The following BCAP29 variants were observed in gnomAD, a reference collection of about 807,000 sequenced individuals.
The protein encoded by BCAP29 is B-cell receptor-associated protein 29.
In BCAP29, 34 loss-of-function variants were observed where a neutral mutation model predicts 31.8. The observed-to-expected ratio is 1.07, with a 90% CI of 0.81 to 1.42. The LOEUF is 1.42. Ranked by LOEUF, BCAP29 falls within the 40% of genes most tolerant of loss-of-function variation. BCAP29 has a pLI of 0.00. For missense variants in BCAP29, 314 were observed against 269.2 expected, an observed-to-expected ratio of 1.17 and a Z score of -1.16; for synonymous variants, 104 against 91.3, an observed-to-expected ratio of 1.14 and a Z score of -0.79.
intron 5 of BCAP29, among the ~76,000 whole-genome samples, chr7:107,599,216 T>TTTATATATAA (rs1810521876): frequency 1.8e-4 from 3 of 16,322 alleles, no homozygotes; most frequent in African/African-American, 3.3e-4. Flanking sequence ...TATAAATATA[T>TTTATATATAA]ATATACATAA....
At chr7:107,581,870 G>A (rs1224634519) in intron 2 of BCAP29, among the ~76,000 whole-genome samples, 2 of 152,084 alleles carry the variant, frequency 1.3e-5, no homozygotes, top group African/African-American at 4.8e-5. Context: ...GAATCATACT[G>A]TAGGGTCTTT....
chr7:107,601,451 G>A (rs796113636), intron 6 of BCAP29, among the ~76,000 whole-genome samples: 1 of 152,038 alleles, frequency 6.6e-6, no homozygotes, highest in Non-Finnish European at 1.5e-5. Context: ...CTTTAGTCAC[G>A]TTCCTCCTTA....
At chr7:107,599,305 AAT>A (rs1810663351) in intron 5 of BCAP29, among the ~76,000 whole-genome samples, 1 of 42,904 alleles carries the variant, frequency 2.3e-5, no homozygotes, top group African/African-American at 1.3e-4. Flanking sequence ...ATTATATATA[AAT>A]TTTATATATA....
downstream of BCAP29, chr7:107,622,817 A>T (rs1056641622): frequency 1.3e-5 from 2 of 152,166 alleles, no homozygotes; most frequent in East Asian, 3.9e-4. Flanking sequence ...ATGATCTCTC[A>T]CTCAGAATGT....
chr7:107,586,882 C>T (rs1342260053), intron 3 of BCAP29, among the ~76,000 whole-genome samples: 1 of 151,850 alleles, frequency 6.6e-6, no homozygotes, highest in Non-Finnish European at 1.5e-5. Flanking sequence ...CGAGAGCCAC[C>T]AACCCCTGGC....
At chr7:107,580,711 G>C (rs1318547098) in intron 1 of BCAP29, 48 bp from the exon 2 acceptor site, 1 of 1,388,924 alleles carries the variant, frequency 7.2e-7, no homozygotes, top group Admixed American at 2.0e-5. Flanking sequence ...CCTTGAACCC[G>C]GTTTTGTTTG....
chr7:107,600,857 T>G (rs1459377260), intron 6 of BCAP29, among the ~76,000 whole-genome samples: 2 of 152,240 alleles, frequency 1.3e-5, no homozygotes, highest in Non-Finnish European at 2.9e-5. Flanking sequence ...GAAGCAATTG[T>G]AGGGGAACAG....
At chr7:107,601,751 T>G (rs567315188) in intron 6 of BCAP29, among the ~76,000 whole-genome samples, 5 of 152,358 alleles carry the variant, frequency 3.3e-5, no homozygotes, top group Non-Finnish European at 5.9e-5. Flanking sequence ...TGCTACCAAT[T>G]CTTTTGAAGA....
chr7:107,600,120 C>A, intron 5 of BCAP29: 1 of 391,924 alleles, frequency 2.6e-6, no homozygotes, highest in Non-Finnish European at 4.8e-6. Context: ...CGTTATTTAC[C>A]TAAATACTTT....
chr7:107,622,927 T>C (rs1815094478), downstream of BCAP29: 1 of 152,166 alleles, frequency 6.6e-6, no homozygotes, highest in Non-Finnish European at 1.5e-5. Context: ...TGTTAATACA[T>C]GCTCCAGTTT....
chr7:107,622,157 A>C, downstream of BCAP29: 1 of 317,586 alleles, frequency 3.1e-6, no homozygotes. Context: ...CGACCTCCTC[A>C]TCTCCCTGTA....
chr7:107,597,979 G>A (rs1001861338), intron 5 of BCAP29, among the ~76,000 whole-genome samples: 16 of 152,230 alleles, frequency 1.1e-4, no homozygotes, highest in East Asian at 5.8e-4. Context: ...GACAGTGAAC[G>A]CTTGCATTGT....
chr7:107,611,502 T>G (rs1433572812), intron 6 of BCAP29, among the ~76,000 whole-genome samples: 1 of 152,210 alleles, frequency 6.6e-6, no homozygotes, highest in Non-Finnish European at 1.5e-5. Context: ...GATTGTGGAA[T>G]CTACTGTGTA....
intron 6 of BCAP29, among the ~76,000 whole-genome samples, chr7:107,600,834 TC>T (rs1811045035): frequency 6.6e-6 from 1 of 152,254 alleles, no homozygotes; most frequent in Non-Finnish European, 1.5e-5. Flanking sequence ...CATCGTATAT[TC>T]CTCCTCTCAG....
chr7:107,608,524 C>G (rs1250290998), intron 6 of BCAP29, among the ~76,000 whole-genome samples: 1 of 152,018 alleles, frequency 6.6e-6, no homozygotes, highest in African/African-American at 2.4e-5. Flanking sequence ...TCTGGCATTA[C>G]AAGATACTCC....
chr7:107,600,411 T>C lies in BCAP29; in HGVS notation c.495T>C (p.His165=), dbSNP rs377378599. The change falls in exon 6 of 8, where the codon CAT becomes CAC. Residue 165 remains histidine, a synonymous_variant. Coordinates refer to ENST00000005259, the MANE Select transcript of BCAP29 (RefSeq NM_018844.4). ...TTTTGCAATAGATTTTGAAAAGCCATGGTAAAGATGAAGAATGTGTTTTGG... is the reference window on the plus strand; with the variant it reads ...TTTTGCAATAGATTTTGAAAAGCCACGGTAAAGATGAAGAATGTGTTTTGG... ...NEKLKRILKS[H]GKDEECVLEA... The C allele has an allele frequency of 6.2e-6, 10 of 1,602,534 alleles. No individual in the cohort carries two copies. Among genetic ancestry groups the C allele is most frequent in the Non-Finnish European group, 8.5e-6 (10 of 1,171,266 alleles).
rs984433390 is a variant in BCAP29, at chr7:107,613,348, A to G, written c.606A>G (p.Gln202=). ...RKTSDALSKA[Q]NDVMEMKMQS... The stretch of plus-strand genomic sequence containing the variant: ...ATTTTCTAGCCCTTTCTAAGGCACA[A>G]AATGATGTGATGGAAATGAAGATGC... The change falls in exon 7 of 8, where the codon CAA becomes CAG. Residue 202 remains glutamine, a synonymous_variant. Coordinates refer to ENST00000005259, the MANE Select transcript of BCAP29 (RefSeq NM_018844.4). 46 of 1,610,172 alleles carry G rather than the reference A, an allele frequency of 2.9e-5. No homozygotes were observed. Among genetic ancestry groups the G allele is most frequent in the Non-Finnish European group, 3.6e-5 (42 of 1,177,254 alleles).
At chr7:107,597,638 G>A (rs1337407758) in intron 5 of BCAP29, among the ~76,000 whole-genome samples, 1 of 152,110 alleles carries the variant, frequency 6.6e-6, no homozygotes, top group African/African-American at 2.4e-5. Context: ...TTATAGATGA[G>A]GAAATGGAGG....
chr7:107,584,739 G>A (rs1051918431), intron 3 of BCAP29, among the ~76,000 whole-genome samples: 25 of 152,144 alleles, frequency 1.6e-4, no homozygotes, highest in African/African-American at 5.8e-4. Context: ...CATAGATTTG[G>A]GGACTACCGC....
Sources: gnomAD v4.1 joint callset for allele counts (sites outside exome capture counted in the v4.1 genomes callset) on GRCh38, gnomAD v4.1.1 for gene constraint, MANE v1.5 for transcripts, NCBI Gene and HGNC (gene_info 2026-07-23, HGNC 2026-07-21) for gene names.